GUCY1A2: variants seen among roughly 807,000 people sequenced by gnomAD.
GUCY1A2 encodes the protein guanylate cyclase soluble subunit alpha-2.
A neutral mutation model predicts 63.5 loss-of-function variants in GUCY1A2; 27 were observed. The ratio of observed to expected loss-of-function variants is 0.43; its 90% CI spans 0.31 to 0.59. The LOEUF is 0.59. GUCY1A2 is among the 20% of genes least tolerant of loss of function. GUCY1A2 has a pLI of 0.11. For synonymous variants in GUCY1A2, 364 were observed against 343.5 expected (o/e 1.06, Z -0.66); for missense variants, 768 against 913.3 (o/e 0.84, Z 2.05).
At chr11:107,006,608 T>C (rs1300734476) in intron 1 of GUCY1A2, among the ~76,000 whole-genome samples, 2 of 152,222 alleles carry the variant, frequency 1.3e-5, no homozygotes, top group Non-Finnish European at 2.9e-5. Flanking sequence ...CCTGGTGGAA[T>C]ATGAGAAATG....
At chr11:106,925,239 CACTA>C (rs1193051342) in intron 4 of GUCY1A2, among the ~76,000 whole-genome samples, 3 of 151,974 alleles carry the variant, frequency 2.0e-5, no homozygotes, top group Non-Finnish European at 4.4e-5. Context: ...AACTGAAAGC[CACTA>C]ACTTTAAAGA....
chr11:107,000,606 T>C (rs1277001095), intron 1 of GUCY1A2, among the ~76,000 whole-genome samples: 1 of 152,200 alleles, frequency 6.6e-6, no homozygotes, highest in African/African-American at 2.4e-5. Context: ...GACAGGGTCA[T>C]CTCTCTCCCT....
intron 4 of GUCY1A2, among the ~76,000 whole-genome samples, chr11:106,925,390 T>C (rs1295871012): frequency 1.3e-5 from 2 of 152,232 alleles, no homozygotes; most frequent in Non-Finnish European, 1.5e-5. Flanking sequence ...GTGAGTTTTA[T>C]ACCAAGAGGT....
chr11:106,722,719 TTC>T, intron 6 of GUCY1A2, among the ~76,000 whole-genome samples: 1 of 152,260 alleles, frequency 6.6e-6, no homozygotes, highest in South Asian at 2.1e-4. Context: ...ATAGGAAATT[TTC>T]TTTTTCAGAA....
chr11:106,729,392 TG>T (rs1172124295), intron 6 of GUCY1A2, among the ~76,000 whole-genome samples: 2 of 152,146 alleles, frequency 1.3e-5, no homozygotes, highest in Admixed American at 6.6e-5. Flanking sequence ...GACTAAAATA[TG>T]TTTTTTTTTA....
intron 4 of GUCY1A2, among the ~76,000 whole-genome samples, chr11:106,844,010 T>A (rs970378828): frequency 6.6e-6 from 1 of 151,852 alleles, no homozygotes; most frequent in African/African-American, 2.4e-5. Flanking sequence ...AAAGAAGTCA[T>A]TATATGAAAA....
At chr11:106,769,045 C>T (rs996139082) in intron 6 of GUCY1A2, among the ~76,000 whole-genome samples, 3 of 152,138 alleles carry the variant, frequency 2.0e-5, no homozygotes, top group Non-Finnish European at 4.4e-5. Context: ...CCCCTAGTCT[C>T]TTTCAAGAAG....
chr11:106,700,883 A>G (rs1472010051), intron 7 of GUCY1A2, among the ~76,000 whole-genome samples: 1 of 152,124 alleles, frequency 6.6e-6, no homozygotes, highest in Non-Finnish European at 1.5e-5. Context: ...TTAAGCGTCC[A>G]TAGGAAGAAG....
chr11:106,780,403 A>AAATT (rs1211509546), intron 5 of GUCY1A2, among the ~76,000 whole-genome samples: 2 of 152,210 alleles, frequency 1.3e-5, no homozygotes, highest in East Asian at 3.9e-4. Flanking sequence ...TTAATGCACT[A>AAATT]AATTAGCAAC....
At chr11:106,942,673 A>T (rs1363740714) in intron 3 of GUCY1A2, among the ~76,000 whole-genome samples, 1 of 152,218 alleles carries the variant, frequency 6.6e-6, no homozygotes, top group Non-Finnish European at 1.5e-5. Flanking sequence ...ATAACATTGA[A>T]AAGGTCCTCA....
At chr11:106,785,466 C>T (rs1864539678) in intron 5 of GUCY1A2, among the ~76,000 whole-genome samples, 1 of 151,906 alleles carries the variant, frequency 6.6e-6, no homozygotes, top group Admixed American at 6.6e-5. Flanking sequence ...TTCTATCACT[C>T]TCACAGTATG....
intron 1 of GUCY1A2, among the ~76,000 whole-genome samples, chr11:106,992,114 A>G (rs1053693686): frequency 6.6e-6 from 1 of 152,174 alleles, no homozygotes; most frequent in Non-Finnish European, 1.5e-5. Flanking sequence ...CCTTTACTGC[A>G]CACAATATTT....
intron 4 of GUCY1A2, among the ~76,000 whole-genome samples, chr11:106,840,997 G>T (rs1461368795): frequency 1.3e-5 from 2 of 151,906 alleles, no homozygotes; most frequent in African/African-American, 2.4e-5. Context: ...TTGATGGAGT[G>T]ATTCATTTAC....
chr11:106,881,015 T>C (rs1440821166), intron 4 of GUCY1A2, among the ~76,000 whole-genome samples: 2 of 152,130 alleles, frequency 1.3e-5, no homozygotes, highest in East Asian at 3.9e-4. Flanking sequence ...TAATTTCCTA[T>C]TTATAATTGA....
At position 106,810,460 on chromosome 11, in the gene GUCY1A2, G is replaced by A; in HGVS notation, c.1225C>T (p.Gln409Ter). The A allele has an allele frequency of 6.2e-7, 1 of 1,606,574 alleles. No homozygotes were observed. The highest frequency in any genetic ancestry group is 8.5e-7 in the Non-Finnish European group (1 of 1,174,700). The change falls in exon 5 of 8, where the codon CAA becomes TAA. Residue 409 changes from glutamine (Q) to a stop codon, truncating the protein, a stop_gained. Transcript: ENST00000526355. LOFTEE classifies it high-confidence loss of function. ...TTTGATTCTGGAACATGGATCATTT[G>A]TCCTTTGACTTCCATCACCTGTGAA... ...NKDKVMEVKG[Q>*]MIHVPESNSI...
At chr11:106,809,297 G>T (rs1222942700) in intron 5 of GUCY1A2, among the ~76,000 whole-genome samples, 1 of 152,076 alleles carries the variant, frequency 6.6e-6, no homozygotes, top group Non-Finnish European at 1.5e-5. Context: ...TAAGATTCTA[G>T]GTAAAGTTGT....
At chr11:106,726,535 T>C (rs559271059) in intron 6 of GUCY1A2, among the ~76,000 whole-genome samples, 4 of 152,218 alleles carry the variant, frequency 2.6e-5, no homozygotes, top group Non-Finnish European at 5.9e-5. Flanking sequence ...AGAGTATTAA[T>C]ATGGGCTACA....
intron 7 of GUCY1A2, among the ~76,000 whole-genome samples, chr11:106,690,360 T>C (rs1429232423): frequency 6.6e-6 from 1 of 152,168 alleles, no homozygotes; most frequent in Non-Finnish European, 1.5e-5. Flanking sequence ...AATGAGATCA[T>C]GTCATTTCCA....
chr11:106,922,592 G>T, intron 4 of GUCY1A2, among the ~76,000 whole-genome samples: 1 of 145,254 alleles, frequency 6.9e-6, no homozygotes. Flanking sequence ...TACTTCATGG[G>T]TTTCTTTTAT....
Sources: allele counts gnomAD v4.1 joint callset (sites outside exome capture counted in the v4.1 genomes callset), GRCh38; gene constraint gnomAD v4.1.1; transcripts MANE v1.5; gene names NCBI Gene and HGNC (gene_info 2026-07-23, HGNC 2026-07-21).